The following AP1M1 variants were observed in gnomAD, a reference collection of about 807,000 sequenced individuals.
AP1M1 encodes the protein adaptor related protein complex 1 subunit mu 1, also known as AP-1 complex subunit mu-1.
AP1M1 carries 18 observed loss-of-function variants against 57.1 expected under a neutral mutation model. That is an observed-to-expected ratio of 0.32 (90% CI 0.22 to 0.47). The LOEUF (loss-of-function observed/expected upper bound fraction) is 0.47. Among genes scored for constraint, AP1M1 ranks in the 20% least tolerant of loss-of-function variants. The probability of loss-of-function intolerance (pLI) is 1.00; values close to 1 mark genes in which losing one functional copy is unlikely to be tolerated. For missense variants in AP1M1, 362 were observed against 593.5 expected, an observed-to-expected ratio of 0.61 and a Z score of 4.05; for synonymous variants, 241 against 237.9, an observed-to-expected ratio of 1.01 and a Z score of -0.12.
chr19:16,228,949 T>G lies in AP1M1; in HGVS notation c.1047+21T>G. ...TCCCGGTGAGCACTCTGTCCAGACA[T>G]CCACGTGCCCCCTGCGCCTGTCTCT... is the stretch of plus-strand genomic sequence containing the variant. On this transcript the variant is annotated intron_variant, in intron 9 of 11. Coordinates refer to ENST00000291439, the MANE Select transcript of AP1M1 (RefSeq NM_032493.4). The surrounding 1 kb of genome is among the most constrained non-coding windows in gnomAD (Gnocchi z 5.0). The G allele has an allele frequency of 6.2e-7, 1 of 1,610,174 alleles. No individual in the cohort carries two copies. The highest frequency in any genetic ancestry group is 2.2e-5 in the East Asian group (1 of 44,736).
rs1226957032 is a variant in AP1M1 at position 16,203,901 on chromosome 19, C to T, written c.199+286C>T. 6.6e-6 allele frequency among the ~76,000 whole-genome samples: 1 copy of T among 152,162 alleles called. No homozygotes were observed. The highest frequency in any genetic ancestry group is 6.5e-5 in the Admixed American group (1 of 15,268). On this transcript the variant is annotated intron_variant, in intron 2 of 11. Transcript: ENST00000291439. This position sits in a 1 kb window ranked among gnomAD's most constrained non-coding sequence, Gnocchi z 4.6. The stretch of plus-strand genomic sequence containing the variant: ...AGCCTGCAGGGAGGCCTGGCTTCTG[C>T]CAGCTGGAGGGGTGGGCAGGCACTA...
At chr19:16,221,828 A>G (rs1249747768) in intron 5 of AP1M1, among the ~76,000 whole-genome samples, 1 of 152,198 alleles carries the variant, frequency 6.6e-6, no homozygotes, top group East Asian at 1.9e-4. Flanking sequence ...CTGGGATTAC[A>G]GGCATTCACC....
chr19:16,239,442 A>G lies in AP1M1; in HGVS notation c.*5007A>G, dbSNP rs544602808. ...AACAAAACACCCCCCAAAAATGACA[A>G]TGCAGATTTGGAAGAAAAAAATAGA... On this transcript the variant is annotated 3_prime_UTR_variant, in exon 12 of 12. Coordinates refer to ENST00000291439, the MANE Select transcript of AP1M1 (RefSeq NM_032493.4). 2.0e-5 allele frequency: 3 copies of G among 150,928 alleles called. No homozygotes were observed. The highest frequency in any genetic ancestry group is 7.3e-5 in the African/African-American group (3 of 41,190). 9.3% of individuals were successfully genotyped at this position (150,928 alleles called of 1,614,324 possible). A position where few individuals can be genotyped will look rare whatever the true frequency, so the allele number is the denominator to read the frequency against.
Position 16,226,543 on chromosome 19 carries a change from G to T in AP1M1, c.669G>T (p.Thr223=), listed in dbSNP as rs147795014. ...ACGACAAGGTCCTCTTTGACAACAC[G>T]GGCCGTGAGTACCCTTGCCAAGGGC... The part of the protein sequence containing the change: ...GLNDKVLFDN[T]GRGKSKSVEL... The change falls in exon 6 of 12, where the codon ACG becomes ACT. Residue 223 remains threonine, a synonymous_variant. Coordinates refer to ENST00000291439, the MANE Select transcript of AP1M1 (RefSeq NM_032493.4). 2.5e-6 allele frequency: 4 copies of T among 1,582,828 alleles called. No homozygotes were observed. The highest frequency in any genetic ancestry group is 3.4e-6 in the Non-Finnish European group (4 of 1,160,964).
At chr19:16,200,206 A>G (rs2145109626) in intron 1 of AP1M1, among the ~76,000 whole-genome samples, 1 of 152,302 alleles carries the variant, frequency 6.6e-6, no homozygotes, top group South Asian at 2.1e-4. Flanking sequence ...AGGGGCAGGA[A>G]CAAGGTCCCA....
At chr19:16,222,208 A>ATT (rs1438007288) in intron 5 of AP1M1, among the ~76,000 whole-genome samples, 20 of 68,834 alleles carry the variant, frequency 2.9e-4, no homozygotes, top group African/African-American at 6.9e-4. Flanking sequence ...TATTATTATT[A>ATT]TTATTTTTTT....
chr19:16,206,513 A>G lies in AP1M1; in HGVS notation c.267+105A>G. 8.1e-7 allele frequency: 1 copy of G among 1,231,612 alleles called. No individual in the cohort carries two copies. Among genetic ancestry groups the G allele is most frequent in the Non-Finnish European group, 1.2e-6 (1 of 851,426 alleles). The allele number at this position is 1,231,612 out of a possible 1,614,324, so 76.3% of individuals were successfully genotyped here. On this transcript the variant is annotated intron_variant, in intron 3 of 11. Transcript: ENST00000291439. This position sits in a 1 kb window ranked among gnomAD's most constrained non-coding sequence, Gnocchi z 4.3. ...CCCTACAGAGAGCTGTGGCATCCCC[A>G]GGGAGCACTGGGGCTGGAAGCCCAG...
At chr19:16,233,358 C>G in intron 9 of AP1M1, 135 bp from the exon 10 acceptor site, 2 of 1,320,748 alleles carry the variant, frequency 1.5e-6, no homozygotes, top group Non-Finnish European at 2.0e-6. Context: ...CTTTGGCTCC[C>G]CAGCACAGGG....
chr19:16,232,222 G>A (rs1178998693), intron 9 of AP1M1, among the ~76,000 whole-genome samples: 2 of 152,212 alleles, frequency 1.3e-5, no homozygotes, highest in Non-Finnish European at 2.9e-5. Flanking sequence ...TTGGCAGCAC[G>A]CCTGTCAATG....
chr19:16,210,201 A>G (rs2091487874), intron 5 of AP1M1, among the ~76,000 whole-genome samples: 1 of 152,252 alleles, frequency 6.6e-6, no homozygotes, highest in Non-Finnish European at 1.5e-5. Flanking sequence ...TTTGCATATC[A>G]AAAGTCTGTT....
In AP1M1 at chr19:16,238,663, T is replaced by C. The variant is rs2091633998; in HGVS notation, c.*4228T>C. On this transcript the variant is annotated 3_prime_UTR_variant, in exon 12 of 12. Coordinates refer to ENST00000291439, the MANE Select transcript of AP1M1 (RefSeq NM_032493.4). Reference sequence around the variant, plus strand: ...GGGTATGACTGGGGCCTCTGCTGTGTTGGCAATTTCCTTAAGCTTGGTATT... The same window carrying C: ...GGGTATGACTGGGGCCTCTGCTGTGCTGGCAATTTCCTTAAGCTTGGTATT... 2 of 151,988 alleles carry C rather than the reference T, an allele frequency of 1.3e-5. No homozygotes were observed. Among genetic ancestry groups the C allele is most frequent in the African/African-American group, 2.4e-5 (1 of 41,364 alleles). 9.4% of individuals were successfully genotyped at this position (151,988 alleles called of 1,614,324 possible).
chr19:16,235,172 T>C lies in AP1M1; in HGVS notation c.*737T>C, dbSNP rs2091619832. 1 of 152,226 alleles carries C rather than the reference T, an allele frequency of 6.6e-6. No individual in the cohort carries two copies. The highest frequency in any genetic ancestry group is 6.5e-5 in the Admixed American group (1 of 15,278). The allele number at this position is 152,226 out of a possible 1,614,324, so 9.4% of individuals were successfully genotyped here. A position where few individuals can be genotyped will look rare whatever the true frequency, so the allele number is the denominator to read the frequency against. The stretch of plus-strand genomic sequence containing the variant: ...ATGCTGTCACTCAGCCAGATCAGTA[T>C]TGACCCACCAGGGGAGGTGGGGTTT... On this transcript the variant is annotated 3_prime_UTR_variant, in exon 12 of 12. Transcript: ENST00000291439.
Position 16,209,683 on chromosome 19 carries a change from C to T in AP1M1, c.546+506C>T, listed in dbSNP as rs76467459. Among the ~76,000 whole-genome samples, 136 of 151,874 alleles carry T rather than the reference C, an allele frequency of 9.0e-4. No individual in the cohort carries two copies. The East Asian group carries it at 0.023, about 26-fold the overall frequency. Reference sequence around the variant, plus strand: ...AAGATTAGGATTTATTCACCGTCACCCTCTCGGGCCTCATTCTGTAGACAG... The same window carrying T: ...AAGATTAGGATTTATTCACCGTCACTCTCTCGGGCCTCATTCTGTAGACAG... On this transcript the variant is annotated intron_variant, in intron 5 of 11. Transcript: ENST00000291439.
Position 16,203,637 on chromosome 19 carries a change from T to TC in AP1M1, c.199+25dup, listed in dbSNP as rs764873016. 6.3e-7 allele frequency: 1 copy of TC among 1,584,734 alleles called. No homozygotes were observed. Among genetic ancestry groups the TC allele is most frequent in the Non-Finnish European group, 8.6e-7 (1 of 1,163,570 alleles). On this transcript the variant is annotated intron_variant, in intron 2 of 11. Coordinates refer to ENST00000291439, the MANE Select transcript of AP1M1 (RefSeq NM_032493.4). This position sits in a 1 kb window ranked among gnomAD's most constrained non-coding sequence, Gnocchi z 4.6. ...TATCGTATCCCTTTGCTGGGGGTGC[T>TC]CCCAGGGGACTCCTGTGTGGGTGTT...
In AP1M1 at chr19:16,226,433, G is replaced by A. The variant is rs150789905; in HGVS notation, c.559G>A (p.Gly187Ser). The A allele has an allele frequency of 1.9e-5, 30 of 1,546,504 alleles. No individual in the cohort carries two copies. Among genetic ancestry groups the A allele is most frequent in the African/African-American group, 4.0e-5 (3 of 74,144 alleles). Reference sequence around the variant, plus strand: ...CCGCCACCCCCAGGTCAGCGCCAACGGCAATGTCCTGCGCAGCGAGATCGT... The same window carrying A: ...CCGCCACCCCCAGGTCAGCGCCAACAGCAATGTCCTGCGCAGCGAGATCGT... ...ESVNLLVSANGNVLRSEIVGS... is the reference protein window; with the variant it reads ...ESVNLLVSANSNVLRSEIVGS... The change falls in exon 6 of 12, where the codon GGC becomes AGC. Residue 187 changes from glycine (G) to serine (S), a missense_variant. By Grantham distance (56) the Gly-to-Ser change is moderately conservative. This residue lies in a region of AP1M1 where 337 missense variants were observed against 511.1 expected (regional missense o/e 0.66). Coordinates refer to ENST00000291439, the MANE Select transcript of AP1M1 (RefSeq NM_032493.4).
At chr19:16,204,608 C>T (rs781319925) in intron 2 of AP1M1, among the ~76,000 whole-genome samples, 3 of 152,184 alleles carry the variant, frequency 2.0e-5, no homozygotes, top group Non-Finnish European at 4.4e-5. Flanking sequence ...GTGTGGCCAA[C>T]GGGCCAGAAT....
At chr19:16,209,988 C>T (rs1364091923) in intron 5 of AP1M1, among the ~76,000 whole-genome samples, 1 of 152,216 alleles carries the variant, frequency 6.6e-6, no homozygotes, top group African/African-American at 2.4e-5. Context: ...ATGCTCCCCT[C>T]TTCCCCATTT....
intron 5 of AP1M1, among the ~76,000 whole-genome samples, chr19:16,216,249 T>C (rs1393987166): frequency 1.3e-5 from 2 of 152,132 alleles, no homozygotes; most frequent in Non-Finnish European, 2.9e-5. Context: ...ATTGAGACCA[T>C]CCTGGTGAAC....
At position 16,203,374 on chromosome 19, in the gene AP1M1, G is replaced by A. The variant is rs1015056232; in HGVS notation, c.43-85G>A. 12 of 1,431,028 alleles carry A rather than the reference G, an allele frequency of 8.4e-6. No individual in the cohort carries two copies. In the African/African-American group the frequency reaches 1.5e-4, roughly 18 times the overall value. 88.6% of individuals were successfully genotyped at this position (1,431,028 alleles called of 1,614,324 possible). ...GACCGGAGTCCCCAGAGCGAAGCAG[G>A]GTGGTGCATCTCACCCCCTGCCCCA... On this transcript the variant is annotated intron_variant, in intron 1 of 11. Coordinates refer to ENST00000291439, the MANE Select transcript of AP1M1 (RefSeq NM_032493.4). This position sits in a 1 kb window ranked among gnomAD's most constrained non-coding sequence, Gnocchi z 4.6.
Sources: gnomAD v4.1 joint callset for allele counts (sites outside exome capture counted in the v4.1 genomes callset) on GRCh38, gnomAD v4.1.1 for gene constraint, gnomAD v4.1.1 regional missense constraint, Gnocchi (gnomAD v3.1) non-coding constraint, MANE v1.5 for transcripts, NCBI Gene and HGNC (gene_info 2026-07-23, HGNC 2026-07-21) for gene names.